Variants in SNTB1 observed in about 807,000 individuals in gnomAD.
SNTB1 encodes the protein beta-1-syntrophin.
In SNTB1, 36 loss-of-function variants were observed where a neutral mutation model predicts 48.9. The observed-to-expected ratio is 0.74, with a 90% CI of 0.56 to 0.97. SNTB1 has a LOEUF of 0.97. Ranked by LOEUF, SNTB1 falls within the 50% of genes least tolerant of loss-of-function variation. The pLI is 0.00. For missense variants in SNTB1, 786 were observed against 703.4 expected (o/e 1.12, Z -1.33); for synonymous variants, 299 against 294.6 (o/e 1.01, Z -0.15).
chr8:120,565,482 A>G (rs1815734494), intron 4 of SNTB1, among the ~76,000 whole-genome samples: 2 of 152,250 alleles, frequency 1.3e-5, no homozygotes, highest in South Asian at 4.1e-4. Flanking sequence ...GTCAGTTTCC[A>G]GAACCCACGC....
intron 1 of SNTB1, among the ~76,000 whole-genome samples, chr8:120,741,061 C>T (rs73710016): frequency 0.021 from 3,228 of 152,270 alleles, 102 homozygotes; most frequent in African/African-American, 0.072. Context: ...CCTGTCCACA[C>T]GCTAATGTCA....
In SNTB1 at chr8:120,541,904, G is replaced by C; in HGVS notation, c.1430C>G (p.Thr477Ser). ...TEPQEGAFPK[T>S]IIQSPYEKLK... is the part of the protein sequence containing the mutation. The stretch of plus-strand genomic sequence containing the variant: ...CTTTTCATAAGGAGACTGTATGATG[G>C]TCTTGGGAAAGGCACCCTCCTGTGG... Residue 477 changes from threonine to serine, a missense_variant, in exon 6 of 7, where the codon ACC (threonine) becomes AGC (serine). Thr to Ser is a moderately conservative substitution (Grantham distance 58). Transcript: ENST00000517992. 6.2e-7 allele frequency: 1 copy of C among 1,613,896 alleles called. No individual in the cohort carries two copies. The highest frequency in any genetic ancestry group is 2.2e-5 in the East Asian group (1 of 44,854).
At chr8:120,650,092 A>G (rs901063289) in intron 2 of SNTB1, among the ~76,000 whole-genome samples, 4 of 152,100 alleles carry the variant, frequency 2.6e-5, no homozygotes, top group African/African-American at 7.2e-5. Context: ...AGATGAACCC[A>G]GTACCTCAGA....
intron 1 of SNTB1, among the ~76,000 whole-genome samples, chr8:120,755,171 TGAGAGA>T (rs35915373): frequency 0.015 from 1,354 of 92,928 alleles, 15 homozygotes; most frequent in African/African-American, 0.032. Context: ...TGTGTGTGTG[TGAGAGA>T]GAGAGAGAGA....
chr8:120,782,077 T>G (rs1819837231), intron 1 of SNTB1, among the ~76,000 whole-genome samples: 1 of 152,204 alleles, frequency 6.6e-6, no homozygotes, highest in African/African-American at 2.4e-5. Context: ...GAGAAGGAAC[T>G]GTCCTGGGCC....
intron 3 of SNTB1, among the ~76,000 whole-genome samples, chr8:120,603,069 A>G (rs532220630): frequency 1.1e-4 from 17 of 151,674 alleles, no homozygotes; most frequent in South Asian, 4.2e-4. Context: ...GAATATTTTC[A>G]TCATCCACCC....
chr8:120,702,515 G>T (rs1818323987), intron 1 of SNTB1, among the ~76,000 whole-genome samples: 1 of 152,088 alleles, frequency 6.6e-6, no homozygotes, highest in Admixed American at 6.6e-5. Context: ...ACCTCATGCT[G>T]GGTAAGACCT....
chr8:120,698,103 A>T (rs1258941546), intron 1 of SNTB1, among the ~76,000 whole-genome samples: 1 of 152,192 alleles, frequency 6.6e-6, no homozygotes, highest in Non-Finnish European at 1.5e-5. Flanking sequence ...CAAGACACCA[A>T]CCCAAAAATT....
intron 4 of SNTB1, among the ~76,000 whole-genome samples, chr8:120,564,496 T>C (rs1815716703): frequency 6.6e-6 from 1 of 152,136 alleles, no homozygotes; most frequent in South Asian, 2.1e-4. Context: ...TATAGTATTT[T>C]GTTATGGCTA....
chr8:120,717,208 G>A (rs1818573746), intron 1 of SNTB1, among the ~76,000 whole-genome samples: 3 of 152,168 alleles, frequency 2.0e-5, no homozygotes, highest in Admixed American at 2.0e-4. Context: ...GGCCACTACG[G>A]ACCTCACTGA....
intron 4 of SNTB1, chr8:120,571,167 G>T: frequency 2.5e-6 from 3 of 1,217,840 alleles, no homozygotes; most frequent in Non-Finnish European, 3.2e-6. Flanking sequence ...CTATGTACGA[G>T]GGTAAATTTT....
At chr8:120,810,233 C>T (rs573003408) in intron 1 of SNTB1, among the ~76,000 whole-genome samples, 1 of 152,232 alleles carries the variant, frequency 6.6e-6, no homozygotes, top group African/African-American at 2.4e-5. Flanking sequence ...AATAATTACA[C>T]GTTATTAGTG....
chr8:120,607,547 A>G (rs181788032), intron 3 of SNTB1, among the ~76,000 whole-genome samples: 320 of 152,334 alleles, frequency 2.1e-3, no homozygotes, highest in African/African-American at 7.5e-3. Flanking sequence ...CTAATGTTAA[A>G]TGGCCATTTA....
At chr8:120,688,680 G>T (rs1443509701) in intron 2 of SNTB1, among the ~76,000 whole-genome samples, 1 of 152,214 alleles carries the variant, frequency 6.6e-6, no homozygotes. Context: ...AAGTTGTCAG[G>T]AAGGCAATTG....
chr8:120,541,786 C>G (rs1345596830), intron 6 of SNTB1, 24 bp downstream of exon 6: 1 of 1,535,288 alleles, frequency 6.5e-7, no homozygotes, highest in Non-Finnish European at 8.9e-7. Context: ...TGAAATCACA[C>G]TGTCTAAAGA....
intron 1 of SNTB1, among the ~76,000 whole-genome samples, chr8:120,718,734 T>G (rs1368679130): frequency 1.3e-5 from 2 of 151,958 alleles, no homozygotes; most frequent in African/African-American, 4.8e-5. Flanking sequence ...GGTACTTTGC[T>G]GCTACTGAAC....
chr8:120,669,265 T>C (rs1340733221), intron 2 of SNTB1, among the ~76,000 whole-genome samples: 4 of 152,238 alleles, frequency 2.6e-5, no homozygotes, highest in Non-Finnish European at 5.9e-5. Context: ...TCCAAGGCAC[T>C]GAGTGAATTT....
chr8:120,737,753 TCCAATTCAGAGCTTTTATCCA>T (rs1818973357), intron 1 of SNTB1, among the ~76,000 whole-genome samples: 1 of 152,172 alleles, frequency 6.6e-6, no homozygotes, highest in Non-Finnish European at 1.5e-5. Context: ...TCTGTTATCC[TCCAATTCAGAGCTTTTATCCA>T]CCCCTTTCAA....
At chr8:120,561,919 C>T (rs1815667167) in intron 4 of SNTB1, among the ~76,000 whole-genome samples, 1 of 152,148 alleles carries the variant, frequency 6.6e-6, no homozygotes, top group Non-Finnish European at 1.5e-5. Context: ...CTGCAGGCCT[C>T]CTGTCTGTGG....
Sources: gnomAD v4.1 joint callset for allele counts (sites outside exome capture counted in the v4.1 genomes callset) on GRCh38, gnomAD v4.1.1 for gene constraint, MANE v1.5 for transcripts, NCBI Gene and HGNC (gene_info 2026-07-23, HGNC 2026-07-21) for gene names.